The following EML6 variants were observed in gnomAD, a reference collection of about 807,000 sequenced individuals.
The protein encoded by EML6 is echinoderm microtubule-associated protein-like 6.
A neutral mutation model predicts 240.1 loss-of-function variants in EML6; 154 were observed. The observed-to-expected ratio is 0.64, with a 90% CI of 0.56 to 0.73. The LOEUF is 0.73. Among genes scored for constraint, EML6 ranks in the 30% least tolerant of loss-of-function variants. The probability of loss-of-function intolerance (pLI) is 0.00; values close to 1 mark genes in which losing one functional copy is unlikely to be tolerated. For missense variants in EML6, 2,964 were observed against 2,474.6 expected (o/e 1.20, Z -4.20); for synonymous variants, 1,148 against 899.0 (o/e 1.28, Z -4.95).
At position 54,820,500 on chromosome 2, in the gene EML6, G is replaced by A. The variant is rs539976457; in HGVS notation, c.525+38G>A. Reference sequence around the variant, plus strand: ...GTTTTTTAATTTTGGTACCTTGAGTGCAAATAATTTTAGGTGTTTGTATAG... The same window carrying A: ...GTTTTTTAATTTTGGTACCTTGAGTACAAATAATTTTAGGTGTTTGTATAG... On this transcript the variant is annotated intron_variant, in intron 5 of 41. Coordinates refer to ENST00000356458, the MANE Select transcript of EML6 (RefSeq NM_001039753.4). 4.8e-6 allele frequency: 6 copies of A among 1,238,028 alleles called. No individual in the cohort carries two copies. The Admixed American group carries it at 6.6e-5, about 14-fold the overall frequency. 76.7% of individuals were successfully genotyped at this position (1,238,028 alleles called of 1,614,324 possible).
At chr2:54,962,832 C>A in intron 36 of EML6, 121 bp downstream of exon 36, 1 of 708,578 alleles carries the variant, frequency 1.4e-6, no homozygotes, top group Non-Finnish European at 2.1e-6. Context: ...GGTAGGAGAT[C>A]GAGTTAGAAA....
At chr2:54,810,887 C>T (rs937095000) in intron 2 of EML6, among the ~76,000 whole-genome samples, 2 of 152,266 alleles carry the variant, frequency 1.3e-5, no homozygotes, top group South Asian at 2.1e-4. Context: ...GGTTTCCCCA[C>T]TAAAAATTGG....
intron 21 of EML6, among the ~76,000 whole-genome samples, chr2:54,897,248 T>A (rs1672819289): frequency 1.3e-5 from 2 of 152,204 alleles, no homozygotes; most frequent in Admixed American, 1.3e-4. Context: ...TTGAGGTAGT[T>A]TGGTTTAAAT....
chr2:54,915,856 A>G (rs905547677), intron 25 of EML6, among the ~76,000 whole-genome samples: 2 of 152,202 alleles, frequency 1.3e-5, no homozygotes, highest in African/African-American at 4.8e-5. Context: ...CTTTCTCTAA[A>G]GAAACTGGAA....
intron 7 of EML6, among the ~76,000 whole-genome samples, chr2:54,840,489 C>T (rs958231820): frequency 6.6e-6 from 1 of 152,110 alleles, no homozygotes; most frequent in Non-Finnish European, 1.5e-5. Flanking sequence ...GCCCCTTTTT[C>T]AAATGTAATC....
At chr2:54,741,135 C>T (rs1683610672) in intron 2 of EML6, among the ~76,000 whole-genome samples, 1 of 152,040 alleles carries the variant, frequency 6.6e-6, no homozygotes, top group African/African-American at 2.4e-5. Flanking sequence ...TACTCCTTCC[C>T]TCCTCATTCT....
chr2:54,964,910 G>C (rs1304170031), intron 38 of EML6, among the ~76,000 whole-genome samples, 177 bp downstream of exon 38: 2 of 152,198 alleles, frequency 1.3e-5, no homozygotes, highest in Non-Finnish European at 2.9e-5. Flanking sequence ...GAGGCTTAGA[G>C]AATTTAAGAA....
chr2:54,743,341 G>A (rs72915529), intron 2 of EML6, among the ~76,000 whole-genome samples: 12,485 of 152,274 alleles, frequency 0.082, 750 homozygotes, highest in African/African-American at 0.16. Context: ...GAGATCGTGC[G>A]AACTCCAAAT....
At chr2:54,766,606 A>G (rs1668197080) in intron 2 of EML6, among the ~76,000 whole-genome samples, 1 of 149,358 alleles carries the variant, frequency 6.7e-6, no homozygotes, top group Non-Finnish European at 1.5e-5. Flanking sequence ...AGATTTCTCT[A>G]TGGCAAAGTT....
chr2:54,917,319 C>G (rs947350627), intron 26 of EML6, among the ~76,000 whole-genome samples: 5 of 146,942 alleles, frequency 3.4e-5, no homozygotes, highest in African/African-American at 1.2e-4. Flanking sequence ...ACGTTTTTAT[C>G]TATCTTGAGC....
chr2:54,932,106 C>G (rs769007457), intron 28 of EML6, among the ~76,000 whole-genome samples: 4 of 152,184 alleles, frequency 2.6e-5, no homozygotes, highest in Non-Finnish European at 5.9e-5. Flanking sequence ...ATCTTCAGTT[C>G]TAATCTTTCA....
intron 39 of EML6, 79 bp from the exon 40 acceptor site, chr2:54,968,049 C>T (rs1676825643): frequency 1.5e-6 from 2 of 1,366,796 alleles, no homozygotes; most frequent in Admixed American, 2.0e-5. Context: ...TCTTCCTTAT[C>T]CCTGGGAGGT....
At chr2:54,861,118 A>G (rs971907224) in intron 12 of EML6, among the ~76,000 whole-genome samples, 1 of 152,142 alleles carries the variant, frequency 6.6e-6, no homozygotes, top group Non-Finnish European at 1.5e-5. Context: ...AATGATTTCC[A>G]TCAAGGAGCT....
intron 2 of EML6, among the ~76,000 whole-genome samples, chr2:54,773,513 A>C (rs150389739): frequency 6.6e-6 from 1 of 152,264 alleles, no homozygotes; most frequent in African/African-American, 2.4e-5. Flanking sequence ...TCATTCAAGA[A>C]AGGAAGAGAC....
chr2:54,908,825 C>A (rs1032667921), intron 24 of EML6, among the ~76,000 whole-genome samples: 5 of 152,112 alleles, frequency 3.3e-5, no homozygotes, highest in Admixed American at 2.6e-4. Flanking sequence ...CTTTGATTAC[C>A]CAGCCCAGTG....
At chr2:54,925,543 C>T (rs899476666) in intron 26 of EML6, among the ~76,000 whole-genome samples, 4 of 152,130 alleles carry the variant, frequency 2.6e-5, no homozygotes, top group Admixed American at 2.6e-4. Context: ...TTTTCTCATT[C>T]TACTTTCCTA....
At position 54,891,072 on chromosome 2, in the gene EML6, A is replaced by C; in HGVS notation, c.2457A>C (p.Ile819=). The change falls in exon 18 of 42, where the codon ATA becomes ATC. Residue 819 remains isoleucine (I), a synonymous_variant. Coordinates refer to ENST00000356458, the MANE Select transcript of EML6 (RefSeq NM_001039753.4). ...IATTRGHKDK[I]FVVKCNPHHV... ...CTTACAGAGGACATAAAGATAAGAT[A>C]TTTGTGGTAAAGTGTAACCCACACC... 6.7e-7 allele frequency: 1 copy of C among 1,484,304 alleles called. No homozygotes were observed. The highest frequency in any genetic ancestry group is 9.1e-7 in the Non-Finnish European group (1 of 1,094,742). 91.9% of individuals were successfully genotyped at this position (1,484,304 alleles called of 1,614,324 possible). A position where few individuals can be genotyped will look rare whatever the true frequency, so the allele number is the denominator to read the frequency against.
intron 7 of EML6, among the ~76,000 whole-genome samples, chr2:54,841,440 T>A (rs1669446111): frequency 6.6e-6 from 1 of 152,128 alleles, no homozygotes. Flanking sequence ...AAAACTACTT[T>A]CTCTTAATAA....
At chr2:54,869,424 C>A in intron 15 of EML6, 57 bp downstream of exon 15, 1 of 1,300,202 alleles carries the variant, frequency 7.7e-7, no homozygotes, top group Non-Finnish European at 1.1e-6. Context: ...TTTTTGAATT[C>A]AGTTTACATA....
Sources: allele counts gnomAD v4.1 joint callset (sites outside exome capture counted in the v4.1 genomes callset), GRCh38; gene constraint gnomAD v4.1.1; transcripts MANE v1.5; gene names NCBI Gene and HGNC (gene_info 2026-07-23, HGNC 2026-07-21).